The following RIMS1 variants were observed in gnomAD, a reference collection of about 807,000 sequenced individuals.
RIMS1 encodes the protein regulating synaptic membrane exocytosis 1.
In RIMS1, 83 loss-of-function variants were observed where a neutral mutation model predicts 214.1. The ratio of observed to expected loss-of-function variants is 0.39; its 90% CI spans 0.32 to 0.47. The LOEUF (loss-of-function observed/expected upper bound fraction) is 0.47. Ranked by LOEUF, RIMS1 falls within the 20% of genes least tolerant of loss-of-function variation. The pLI is 0.99. For missense variants in RIMS1, 2,050 were observed against 2,161.8 expected (o/e 0.95, Z 1.03); for synonymous variants, 793 against 786.8 (o/e 1.01, Z -0.13).
chr6:72,250,808 T>G (rs1384650483), intron 13 of RIMS1, 113 bp from the exon 14 acceptor site: 1 of 627,898 alleles, frequency 1.6e-6, no homozygotes, highest in Non-Finnish European at 2.7e-6. Flanking sequence ...TTATAGACTT[T>G]CCATGAGTTA....
Position 71,983,255 on chromosome 6 carries a change from C to T in RIMS1, c.245+14192C>T, listed in dbSNP as rs548507138. Among the ~76,000 whole-genome samples, 6 of 151,616 alleles carry T rather than the reference C, an allele frequency of 4.0e-5. No homozygotes were observed. The East Asian group carries it at 9.7e-4, about 25-fold the overall frequency. ...TCTATTTTAGTTCTCTATTATTTTC[C>T]TAATTGTTGTAAAAAAGGGTCAATA... On this transcript the variant is annotated intron_variant, in intron 2 of 33. Coordinates refer to ENST00000521978, the MANE Select transcript of RIMS1 (RefSeq NM_014989.7).
At chr6:72,043,723 C>T (rs1294184369) in intron 2 of RIMS1, among the ~76,000 whole-genome samples, 3 of 150,758 alleles carry the variant, frequency 2.0e-5, no homozygotes, top group Non-Finnish European at 4.4e-5. Flanking sequence ...TACAACCTTA[C>T]TTTATTTACT....
At chr6:72,329,471 A>G (rs2096586827) in intron 28 of RIMS1, among the ~76,000 whole-genome samples, 1 of 151,790 alleles carries the variant, frequency 6.6e-6, no homozygotes, top group South Asian at 2.1e-4. Flanking sequence ...ATTCTAAGTC[A>G]ATGAAACTAT....
intron 30 of RIMS1, among the ~76,000 whole-genome samples, chr6:72,392,032 C>G (rs755692233): frequency 6.6e-6 from 1 of 152,144 alleles, no homozygotes; most frequent in Non-Finnish European, 1.5e-5. Flanking sequence ...GAAATATGCT[C>G]ATTCAAAAAA....
rs1431350759 is a variant in RIMS1, at chr6:72,258,207, A to G, written c.2853A>G (p.Ser951=). ...AGCAAAGAACAACTCATCACCGCTCACGTTCAGTATCTCCTCATCGCGGCA... is the reference window on the plus strand; with the variant it reads ...AGCAAAGAACAACTCATCACCGCTCGCGTTCAGTATCTCCTCATCGCGGCA... The part of the protein sequence containing the change: ...PEQQRTTHHR[S]RSVSPHRGND... Residue 951 remains serine, a synonymous_variant, in exon 17 of 34, where the codon TCA becomes TCG. Coordinates refer to ENST00000521978, the MANE Select transcript of RIMS1 (RefSeq NM_014989.7). 1 of 1,613,422 alleles carries G rather than the reference A, an allele frequency of 6.2e-7. No individual in the cohort carries two copies.
chr6:72,105,533 A>G (rs2034570680), intron 4 of RIMS1, among the ~76,000 whole-genome samples: 1 of 152,118 alleles, frequency 6.6e-6, no homozygotes, highest in African/African-American at 2.4e-5. Flanking sequence ...GAACTCATTC[A>G]TTTATTCATT....
In RIMS1 at chr6:72,152,155, C is replaced by A. The variant is rs549770531; in HGVS notation, c.472-27420C>A. On this transcript the variant is annotated intron_variant, in intron 4 of 33. Coordinates refer to ENST00000521978, the MANE Select transcript of RIMS1 (RefSeq NM_014989.7). Reference sequence around the variant, plus strand: ...CATGAGATTTGGAGGGAACAAACATCCAAACTATATCACATGGGTTGGATG... The same window carrying A: ...CATGAGATTTGGAGGGAACAAACATACAAACTATATCACATGGGTTGGATG... Among the ~76,000 whole-genome samples the A allele has an allele frequency of 1.2e-4, 18 of 152,270 alleles. No individual in the cohort carries two copies. In the South Asian group the frequency reaches 3.5e-3, roughly 30 times the overall value.
At chr6:72,289,602 C>G (rs2093005883) in intron 24 of RIMS1, among the ~76,000 whole-genome samples, 1 of 152,016 alleles carries the variant, frequency 6.6e-6, no homozygotes, top group Non-Finnish European at 1.5e-5. Flanking sequence ...TTTTGTTGTT[C>G]TTGAATGAAT....
intron 1 of RIMS1, among the ~76,000 whole-genome samples, chr6:71,948,424 C>T (rs1204317050): frequency 6.6e-6 from 1 of 152,186 alleles, no homozygotes; most frequent in Non-Finnish European, 1.5e-5. Flanking sequence ...CAGTTTGCCA[C>T]CTTTCTCTCC....
chr6:71,917,729 A>G (rs997835459), intron 1 of RIMS1, among the ~76,000 whole-genome samples: 1 of 152,192 alleles, frequency 6.6e-6, no homozygotes, highest in Non-Finnish European at 1.5e-5. Context: ...TATTGCAGAT[A>G]TTCAGGTGAG....
intron 29 of RIMS1, among the ~76,000 whole-genome samples, chr6:72,373,249 T>C (rs1450836274): frequency 6.6e-6 from 1 of 152,246 alleles, no homozygotes; most frequent in African/African-American, 2.4e-5. Context: ...GTGCTTATTT[T>C]TAGTACTGCT....
chr6:72,080,544 C>T (rs1412166319), intron 2 of RIMS1, among the ~76,000 whole-genome samples: 1 of 152,198 alleles, frequency 6.6e-6, no homozygotes, highest in Non-Finnish European at 1.5e-5. Context: ...TATCTGATTC[C>T]TCTGCTCAGA....
At chr6:72,205,192 T>C (rs1182565089) in intron 6 of RIMS1, among the ~76,000 whole-genome samples, 1 of 152,132 alleles carries the variant, frequency 6.6e-6, no homozygotes, top group East Asian at 1.9e-4. Context: ...TTAGTGTGTA[T>C]TCTAATGACA....
chr6:72,134,914 A>G (rs2153863901), intron 4 of RIMS1, among the ~76,000 whole-genome samples: 1 of 152,276 alleles, frequency 6.6e-6, no homozygotes, highest in South Asian at 2.1e-4. Context: ...TGGGAGAAAG[A>G]AAGGGAGTGA....
chr6:72,130,674 G>A (rs967272721), intron 4 of RIMS1, among the ~76,000 whole-genome samples: 8 of 152,136 alleles, frequency 5.3e-5, no homozygotes, highest in Admixed American at 3.3e-4. Flanking sequence ...ACATTGCTTT[G>A]AAATATATTT....
At chr6:72,219,475 G>T (rs2057602055) in intron 6 of RIMS1, among the ~76,000 whole-genome samples, 1 of 152,098 alleles carries the variant, frequency 6.6e-6, no homozygotes, top group Non-Finnish European at 1.5e-5. Context: ...AAGTTTTAGA[G>T]AAGGTTTTAC....
chr6:72,085,950 G>C (rs537671947), intron 2 of RIMS1, among the ~76,000 whole-genome samples: 1 of 152,270 alleles, frequency 6.6e-6, no homozygotes, highest in African/African-American at 2.4e-5. Context: ...CATAAAGCGT[G>C]TCCCTAAATT....
At chr6:72,355,830 A>T (rs1353920899) in intron 29 of RIMS1, among the ~76,000 whole-genome samples, 1 of 152,142 alleles carries the variant, frequency 6.6e-6, no homozygotes, top group African/African-American at 2.4e-5. Flanking sequence ...TCCCCCAACA[A>T]TAACAAAAAT....
chr6:72,090,475 C>G (rs1324270685), intron 2 of RIMS1, among the ~76,000 whole-genome samples: 2 of 151,924 alleles, frequency 1.3e-5, no homozygotes. Context: ...TTCTACTCAA[C>G]TCTGACACAA....
Sources: allele counts gnomAD v4.1 joint callset (sites outside exome capture counted in the v4.1 genomes callset), GRCh38; gene constraint gnomAD v4.1.1; transcripts MANE v1.5; gene names NCBI Gene and HGNC (gene_info 2026-07-23, HGNC 2026-07-21).